Variants in SERINC5 observed in about 807,000 individuals in gnomAD.
SERINC5 encodes chromosome 5 open reading frame 12.
Under a neutral mutation model 63.1 loss-of-function variants are expected in SERINC5, and 41 were observed. That is an observed-to-expected ratio of 0.65 (90% CI 0.51 to 0.84). The LOEUF (loss-of-function observed/expected upper bound fraction) is 0.84, where lower values mean the gene tolerates loss of function less well. SERINC5 is among the 40% of genes least tolerant of loss of function. The pLI is 0.00. For missense variants in SERINC5, 523 were observed against 573.0 expected, an observed-to-expected ratio of 0.91 and a Z score of 0.89; for synonymous variants, 222 against 215.2, an observed-to-expected ratio of 1.03 and a Z score of -0.28.
chr5:80,153,470 A>T (rs970954601), intron 8 of SERINC5, among the ~76,000 whole-genome samples: 4 of 146,392 alleles, frequency 2.7e-5, no homozygotes, highest in Non-Finnish European at 1.5e-5. Context: ...ATTATCAAGA[A>T]AAGGTTTTTT....
downstream of SERINC5, among the ~76,000 whole-genome samples, chr5:80,136,020 A>G (rs1561355282): frequency 6.6e-6 from 1 of 152,092 alleles, no homozygotes; most frequent in African/African-American, 2.4e-5. Context: ...ATTGGCTGCC[A>G]AATAATGTGA....
At chr5:80,173,257 G>A (rs1254152360) in intron 5 of SERINC5, among the ~76,000 whole-genome samples, 3 of 149,872 alleles carry the variant, frequency 2.0e-5, no homozygotes, top group African/African-American at 7.5e-5. Context: ...AAGGAAGGAA[G>A]GAAGGAAGGA....
intron 4 of SERINC5, 81 bp downstream of exon 4, chr5:80,177,234 T>C: frequency 2.2e-6 from 2 of 895,118 alleles, no homozygotes; most frequent in East Asian, 5.0e-5. Flanking sequence ...CTATCAGAGG[T>C]ACTTTGGACT....
At chr5:80,144,824 C>A (rs527573394) in intron 11 of SERINC5, among the ~76,000 whole-genome samples, 1 of 152,156 alleles carries the variant, frequency 6.6e-6, no homozygotes, top group African/African-American at 2.4e-5. Flanking sequence ...CACATAGGAG[C>A]CACTTGCACA....
intron 1 of SERINC5, among the ~76,000 whole-genome samples, chr5:80,243,468 C>T (rs1019639007): frequency 1.3e-5 from 2 of 151,976 alleles, no homozygotes; most frequent in Non-Finnish European, 2.9e-5. Context: ...AGTGAGCTCC[C>T]CAGCACTGGA....
At chr5:80,232,557 G>A (rs769326735) in intron 1 of SERINC5, among the ~76,000 whole-genome samples, 6 of 152,130 alleles carry the variant, frequency 3.9e-5, no homozygotes, top group East Asian at 1.9e-4. Flanking sequence ...AGGCCAAGGC[G>A]GGTGGATCAT....
At chr5:80,138,604 C>A (rs6870696), downstream of SERINC5, 97,918 of 168,032 alleles carry the variant, frequency 0.58, 28,985 homozygotes, top group African/African-American at 0.66. Flanking sequence ...TCCAAAAAAA[C>A]AGAAAAAAAA....
intron 10 of SERINC5, among the ~76,000 whole-genome samples, chr5:80,147,042 C>A (rs151218431): frequency 6.6e-6 from 1 of 152,192 alleles, no homozygotes; most frequent in South Asian, 2.1e-4. Context: ...TGGACTGATT[C>A]TCTCTACCAG....
At chr5:80,232,192 CAGG>C (rs1331531460) in intron 1 of SERINC5, among the ~76,000 whole-genome samples, 1 of 149,800 alleles carries the variant, frequency 6.7e-6, no homozygotes, top group Non-Finnish European at 1.5e-5. Flanking sequence ...ATCACGAGGT[CAGG>C]AGATCAAGAC....
rs184935003 is a variant in SERINC5, at chr5:80,210,300, G to A, written c.28-7247C>T. Among the ~76,000 whole-genome samples the A allele has an allele frequency of 1.5e-3, 221 of 152,266 alleles. 1 individual carries two copies. The highest frequency in any genetic ancestry group is 5.2e-3 in the African/African-American group (215 of 41,556). Reference sequence around the variant, plus strand: ...GCAAAGAATCAAAATGAAAGGATAAGCTGACTCTTGCTTATCTTACCTGAA... The same window carrying A: ...GCAAAGAATCAAAATGAAAGGATAAACTGACTCTTGCTTATCTTACCTGAA... On this transcript the variant is annotated intron_variant, in intron 1 of 11. Coordinates refer to ENST00000507668, the MANE Select transcript of SERINC5 (RefSeq NM_001174072.3).
chr5:80,202,426 G>A (rs948292978), intron 2 of SERINC5, among the ~76,000 whole-genome samples: 1 of 152,110 alleles, frequency 6.6e-6, no homozygotes, highest in Non-Finnish European at 1.5e-5. Context: ...TCCAATGATG[G>A]ACAATGATAG....
intron 8 of SERINC5, among the ~76,000 whole-genome samples, chr5:80,154,345 A>G (rs1746385302): frequency 6.6e-6 from 1 of 152,010 alleles, no homozygotes; most frequent in South Asian, 2.1e-4. Context: ...ATGCCCGGCT[A>G]ATTTTGTATT....
At chr5:80,222,543 T>C (rs1027822666) in intron 1 of SERINC5, among the ~76,000 whole-genome samples, 8 of 135,368 alleles carry the variant, frequency 5.9e-5, no homozygotes, top group African/African-American at 2.2e-4. Flanking sequence ...TGGTGGGTTT[T>C]TTGTGGGTGA....
At chr5:80,159,009 T>C in intron 7 of SERINC5, 47 bp from the exon 8 acceptor site, 1 of 1,607,402 alleles carries the variant, frequency 6.2e-7, no homozygotes, top group East Asian at 2.2e-5. Flanking sequence ...CAAAGGCCAG[T>C]TGTAACGCAC....
At chr5:80,163,392 C>T (rs1177534279) in intron 7 of SERINC5, among the ~76,000 whole-genome samples, 1 of 152,164 alleles carries the variant, frequency 6.6e-6, no homozygotes, top group African/African-American at 2.4e-5. Flanking sequence ...ATGGTGAAGG[C>T]AGGCACCCTT....
chr5:80,209,958 G>A (rs1023024436), intron 1 of SERINC5, among the ~76,000 whole-genome samples: 2 of 151,802 alleles, frequency 1.3e-5, no homozygotes, highest in Non-Finnish European at 2.9e-5. Context: ...TGAGGCAGGA[G>A]GATTGCCTCC....
intron 1 of SERINC5, among the ~76,000 whole-genome samples, chr5:80,217,295 A>T (rs1309758411): frequency 6.6e-6 from 1 of 152,176 alleles, no homozygotes; most frequent in Non-Finnish European, 1.5e-5. Flanking sequence ...ACTAAACCCA[A>T]AATTTGCCTC....
intron 2 of SERINC5, among the ~76,000 whole-genome samples, chr5:80,188,377 A>G (rs1443116548): frequency 6.6e-6 from 1 of 152,156 alleles, no homozygotes; most frequent in Non-Finnish European, 1.5e-5. Context: ...TTTTACTGCC[A>G]AAATGTGTAA....
At chr5:80,247,218 C>A (rs1369510931) in intron 1 of SERINC5, among the ~76,000 whole-genome samples, 1 of 152,138 alleles carries the variant, frequency 6.6e-6, no homozygotes, top group African/African-American at 2.4e-5. Flanking sequence ...TAAAAGTAGA[C>A]AATGCCATAA....
Sources: gnomAD v4.1 joint callset for allele counts (sites outside exome capture counted in the v4.1 genomes callset) on GRCh38, gnomAD v4.1.1 for gene constraint, MANE v1.5 for transcripts, NCBI Gene and HGNC (gene_info 2026-07-23, HGNC 2026-07-21) for gene names.